Variants in SLC7A11 observed in about 807,000 individuals in gnomAD.
SLC7A11 encodes the protein solute carrier family 7 member 11.
Under a neutral mutation model 54.5 loss-of-function variants are expected in SLC7A11, and 35 were observed. The observed-to-expected ratio is 0.64, with a 90% CI of 0.49 to 0.85. SLC7A11 has a LOEUF of 0.85. Ranked by LOEUF, SLC7A11 falls within the 40% of genes least tolerant of loss-of-function variation. The pLI, the probability that SLC7A11 is intolerant of heterozygous loss-of-function variation, is 0.00. For synonymous variants in SLC7A11, 230 were observed against 225.2 expected, an observed-to-expected ratio of 1.02 and a Z score of -0.19; for missense variants, 583 against 618.1, an observed-to-expected ratio of 0.94 and a Z score of 0.60.
At chr4:138,208,489 C>T (rs1560730173) in intron 6 of SLC7A11, among the ~76,000 whole-genome samples, 3 of 151,922 alleles carry the variant, frequency 2.0e-5, no homozygotes, top group East Asian at 3.9e-4. Context: ...ATGTTCTTTG[C>T]ACTGTGTAAC....
At position 138,214,588 on chromosome 4, in the gene SLC7A11, TC is replaced by T; in HGVS notation, c.787del (p.Glu263LysfsTer21). The T allele has an allele frequency of 6.9e-7, 1 of 1,457,632 alleles. No homozygotes were observed. Among genetic ancestry groups the T allele is most frequent in the South Asian group, 1.3e-5 (1 of 75,328 alleles). The allele number at this position is 1,457,632 out of a possible 1,614,324, so 90.3% of individuals were successfully genotyped here. ...NFVTEEVENP[E>X]KTIPLAICIS... ...CAGGGTACATCTGGCTACTTACTTT[TC>T]AGGGTTTTCTACTTCTTCAGTAACA... On this transcript the variant is annotated frameshift_variant, in exon 6 of 12. Coordinates refer to ENST00000280612, the MANE Select transcript of SLC7A11 (RefSeq NM_014331.4). LOFTEE classifies it high-confidence loss of function.
At chr4:138,183,170 A>C in intron 8 of SLC7A11, 32 bp downstream of exon 8, 1 of 1,452,342 alleles carries the variant, frequency 6.9e-7, no homozygotes, top group Non-Finnish European at 9.6e-7. Flanking sequence ...AAAAACAGAA[A>C]TGTGTTTCTG....
chr4:138,220,777 G>C (rs987213927), intron 4 of SLC7A11, among the ~76,000 whole-genome samples: 1 of 152,154 alleles, frequency 6.6e-6, no homozygotes, highest in Non-Finnish European at 1.5e-5. Context: ...GGGGGACAGG[G>C]GGTGGATGAT....
chr4:138,206,861 C>T (rs1202203711), intron 6 of SLC7A11, among the ~76,000 whole-genome samples: 1 of 151,870 alleles, frequency 6.6e-6, no homozygotes, highest in Non-Finnish European at 1.5e-5. Flanking sequence ...ACAGAATCAT[C>T]TCTTCTCTGT....
intron 1 of SLC7A11, among the ~76,000 whole-genome samples, chr4:138,240,617 T>C (rs1470180905): frequency 6.7e-6 from 1 of 149,892 alleles, no homozygotes; most frequent in East Asian, 2.0e-4. Flanking sequence ...GTCAAACCAA[T>C]GATTTAAAAC....
chr4:138,199,396 A>C (rs1172138336), intron 6 of SLC7A11, among the ~76,000 whole-genome samples: 1 of 152,190 alleles, frequency 6.6e-6, no homozygotes, highest in East Asian at 1.9e-4. Context: ...TTTTACTTTG[A>C]CTTCCAATAA....
chr4:138,197,718 C>T (rs772142273), intron 6 of SLC7A11, among the ~76,000 whole-genome samples: 68 of 151,796 alleles, frequency 4.5e-4, no homozygotes, highest in Non-Finnish European at 8.7e-4. Flanking sequence ...AAGTTATACT[C>T]AATGTTGACT....
chr4:138,234,816 A>T (rs1738166534), intron 2 of SLC7A11, among the ~76,000 whole-genome samples: 1 of 152,226 alleles, frequency 6.6e-6, no homozygotes, highest in Admixed American at 6.5e-5. Flanking sequence ...CTGAAGACGG[A>T]GTCAAGTCCA....
At chr4:138,173,679 G>T (rs1184417441) in intron 11 of SLC7A11, among the ~76,000 whole-genome samples, 2 of 150,866 alleles carry the variant, frequency 1.3e-5, no homozygotes, top group Non-Finnish European at 3.0e-5. Context: ...TTCTGTGTTT[G>T]TCAAAGATAC....
rs116040420 is a variant in SLC7A11 at position 138,204,176 on chromosome 4, C to T, written c.791+10409G>A. Among the ~76,000 whole-genome samples, 1,036 of 152,146 alleles carry T rather than the reference C, an allele frequency of 6.8e-3. 9 individuals carry two copies. The highest frequency in any genetic ancestry group is 0.023 in the African/African-American group (971 of 41,530). ...CTTTGTTTTCCCAAAAACCAGCTGT[C>T]GCGTTAGAAAGAGTATGAGCTCTAG... is the stretch of plus-strand genomic sequence containing the variant. On this transcript the variant is annotated intron_variant, in intron 6 of 11. Transcript: ENST00000280612.
chr4:138,237,942 A>G (rs773774251), intron 1 of SLC7A11, among the ~76,000 whole-genome samples: 8 of 149,930 alleles, frequency 5.3e-5, no homozygotes, highest in Non-Finnish European at 7.4e-5. Context: ...TAGTAGAGAC[A>G]GGGTTTCTCA....
chr4:138,241,026 C>T (rs1355893769), intron 1 of SLC7A11, among the ~76,000 whole-genome samples: 2 of 152,064 alleles, frequency 1.3e-5, no homozygotes, highest in Non-Finnish European at 1.5e-5. Flanking sequence ...AACAGGTGGA[C>T]AAATTCTCTG....
At position 138,164,181 on chromosome 4, in the gene SLC7A11, T is replaced by C. The variant is rs1349686922; in HGVS notation, c.*7775A>G. 1.3e-5 allele frequency: 2 copies of C among 152,536 alleles called. No homozygotes were observed. Among genetic ancestry groups the C allele is most frequent in the Non-Finnish European group, 2.9e-5 (2 of 68,000 alleles). 9.4% of individuals were successfully genotyped at this position (152,536 alleles called of 1,614,324 possible). A position where few individuals can be genotyped will look rare whatever the true frequency, so the allele number is the denominator to read the frequency against. ...TGTACAAAAATGGTTATAAAATGGT[T>C]GAAGCAACTAGAAGCGTGACAGGTA... On this transcript the variant is annotated 3_prime_UTR_variant, in exon 12 of 12. Transcript: ENST00000280612.
chr4:138,173,102 C>T (rs774792499), intron 11 of SLC7A11, among the ~76,000 whole-genome samples: 11 of 152,092 alleles, frequency 7.2e-5, no homozygotes, highest in Non-Finnish European at 1.6e-4. Context: ...CTCGACCTCC[C>T]AAAGTGCTGG....
At chr4:138,235,626 G>C (rs1474137061) in intron 2 of SLC7A11, among the ~76,000 whole-genome samples, 1 of 152,176 alleles carries the variant, frequency 6.6e-6, no homozygotes, top group African/African-American at 2.4e-5. Flanking sequence ...TTAAGGAACT[G>C]TGATACTCTG....
In SLC7A11 at chr4:138,184,390, A is replaced by G. The variant is rs1019911900; in HGVS notation, c.915+731T>C. Among the ~76,000 whole-genome samples, 3 of 152,154 alleles carry G rather than the reference A, an allele frequency of 2.0e-5. No individual in the cohort carries two copies. In the East Asian group the frequency reaches 5.8e-4, roughly 29 times the overall value. ...CACCATTCATTGTTATGAGGTCAAG[A>G]GTGAATGGTCTCTTACTAGCTAAGT... On this transcript the variant is annotated intron_variant, in intron 7 of 11. Coordinates refer to ENST00000280612, the MANE Select transcript of SLC7A11 (RefSeq NM_014331.4).
chr4:138,172,892 A>G (rs1473908943), intron 11 of SLC7A11, among the ~76,000 whole-genome samples: 5 of 152,066 alleles, frequency 3.3e-5, no homozygotes, highest in Non-Finnish European at 5.9e-5. Context: ...TGCCCAGGTT[A>G]GAGTGCAATG....
At chr4:138,178,244 G>T (rs1736630581) in intron 11 of SLC7A11, 2 of 152,094 alleles carry the variant, frequency 1.3e-5, no homozygotes, top group Non-Finnish European at 2.9e-5. Context: ...TTGCTTTTCT[G>T]TTCCTGTGTT....
At chr4:138,212,035 C>T (rs1737563140) in intron 6 of SLC7A11, among the ~76,000 whole-genome samples, 1 of 151,798 alleles carries the variant, frequency 6.6e-6, no homozygotes, top group Non-Finnish European at 1.5e-5. Context: ...TTGCAATATT[C>T]TCAACACAAA....
Sources: gnomAD v4.1 joint callset for allele counts (sites outside exome capture counted in the v4.1 genomes callset) on GRCh38, gnomAD v4.1.1 for gene constraint, MANE v1.5 for transcripts, NCBI Gene and HGNC (gene_info 2026-07-23, HGNC 2026-07-21) for gene names.